Variants in CEP72 observed in about 807,000 individuals in gnomAD.
CEP72 encodes centrosomal protein of 72 kDa.
A neutral mutation model predicts 65.7 loss-of-function variants in CEP72; 78 were observed. The observed-to-expected ratio is 1.19, with a 90% CI of 0.99 to 1.43. The LOEUF (loss-of-function observed/expected upper bound fraction) is 1.43. Among genes scored for constraint, CEP72 ranks in the 40% most tolerant of loss-of-function variants. The probability of loss-of-function intolerance (pLI) is 0.00; values close to 1 mark genes in which losing one functional copy is unlikely to be tolerated. For synonymous variants in CEP72, 358 were observed against 351.7 expected, an observed-to-expected ratio of 1.02 and a Z score of -0.20; for missense variants, 914 against 832.9, an observed-to-expected ratio of 1.10 and a Z score of -1.20.
In CEP72 at chr5:649,295, CTG is replaced by C. The variant is rs1371326172; in HGVS notation, c.1778+1382_1778+1383del. On this transcript the variant is annotated intron_variant, in intron 11 of 11. Transcript: ENST00000264935. The stretch of plus-strand genomic sequence containing the variant: ...GTGAGGTGTGACTGTGAGGCATGGA[CTG>C]TGAGGCGTGACTGAGGCGTGACTGT... 2.0e-5 allele frequency among the ~76,000 whole-genome samples: 2 copies of C among 101,152 alleles called. 1 individual carries two copies. Among genetic ancestry groups the C allele is most frequent in the Non-Finnish European group, 3.6e-5 (2 of 54,998 alleles). The allele number at this position is 101,152 out of a possible 152,430, so 66.4% of individuals were successfully genotyped here.
chr5:654,034 T>TGCTGTGTGTGTGTGCTA (rs1739277553), downstream of CEP72, among the ~76,000 whole-genome samples: 3 of 131,122 alleles, frequency 2.3e-5, no homozygotes, highest in Admixed American at 7.7e-5. Flanking sequence ...AGTGTGCGCT[T>TGCTGTGTGTGTGTGCTA]GCTGTGTGTG....
chr5:655,716 T>C (rs1739360617), downstream of CEP72: 1 of 152,244 alleles, frequency 6.6e-6, no homozygotes, highest in African/African-American at 2.4e-5. This position sits in a 1 kb window ranked among gnomAD's most constrained non-coding sequence, Gnocchi z 5.0. Context: ...CCTTCTCATG[T>C]GTCTGCGGCT....
intron 9 of CEP72, chr5:643,354 C>T (rs931150288): frequency 8.1e-6 from 8 of 985,298 alleles, no homozygotes; most frequent in African/African-American, 1.7e-5. Flanking sequence ...TGCTGGTTGG[C>T]GCCACTGCAG....
At chr5:659,928 CAGG>C (rs1739510399), downstream of CEP72, 1 of 152,400 alleles carries the variant, frequency 6.6e-6, no homozygotes, top group Non-Finnish European at 1.5e-5. Flanking sequence ...ACAGCAGACA[CAGG>C]AGCAGTGTGC....
chr5:636,861 C>T (rs1401980911), intron 6 of CEP72, among the ~76,000 whole-genome samples: 5 of 151,706 alleles, frequency 3.3e-5, no homozygotes, highest in Non-Finnish European at 5.9e-5. Flanking sequence ...GTGACCCTGG[C>T]GCCTCCTGGA....
intron 11 of CEP72, among the ~76,000 whole-genome samples, chr5:648,372 C>T (rs1394251324): frequency 8.2e-6 from 1 of 122,510 alleles, no homozygotes; most frequent in Non-Finnish European, 1.6e-5. Flanking sequence ...TGAGGTGTGA[C>T]CACGAGGCAT....
At chr5:612,553 G>T in intron 1 of CEP72, 110 bp downstream of exon 1, 1 of 1,248,348 alleles carries the variant, frequency 8.0e-7, no homozygotes, top group South Asian at 2.9e-5. Context: ...CTACGCAGGC[G>T]CCGCGGGCGT....
intron 4 of CEP72, among the ~76,000 whole-genome samples, chr5:632,841 G>A (rs1256335999): frequency 2.6e-5 from 2 of 76,036 alleles, no homozygotes; most frequent in African/African-American, 1.3e-4. Flanking sequence ...TCTGTCCAGC[G>A]CCGGGATTTG....
intron 4 of CEP72, among the ~76,000 whole-genome samples, chr5:628,353 C>T (rs1736890289): frequency 6.6e-6 from 1 of 151,550 alleles, no homozygotes; most frequent in South Asian, 2.1e-4. Context: ...TGTCAGGCTT[C>T]AGGGAGGTCC....
Position 653,311 on chromosome 5 carries a change from G to A in CEP72, c.*158G>A. 1.6e-6 allele frequency: 1 copy of A among 635,746 alleles called. No individual in the cohort carries two copies. Among genetic ancestry groups the A allele is most frequent in the Non-Finnish European group, 2.5e-6 (1 of 402,054 alleles). 39.4% of individuals were successfully genotyped at this position (635,746 alleles called of 1,614,324 possible). A position where few individuals can be genotyped will look rare whatever the true frequency, so the allele number is the denominator to read the frequency against. On this transcript the variant is annotated 3_prime_UTR_variant, in exon 12 of 12. Transcript: ENST00000264935. Reference sequence around the variant, plus strand: ...GAATGTATTCAGGACCTGTAGCTTGGTTTTCTAAAGCACCTCGTAAAATGA... The same window carrying A: ...GAATGTATTCAGGACCTGTAGCTTGATTTTCTAAAGCACCTCGTAAAATGA...
intron 8 of CEP72, among the ~76,000 whole-genome samples, chr5:640,201 T>C (rs1357725168): frequency 2.6e-5 from 4 of 152,122 alleles, no homozygotes; most frequent in African/African-American, 9.7e-5. Context: ...GGAGGTCACC[T>C]CTTCTCTTTC....
rs1006772573 is a variant in CEP72 at position 624,645 on chromosome 5, C to T, written c.512+66C>T. On this transcript the variant is annotated intron_variant, in intron 4 of 11. Transcript: ENST00000264935. The surrounding 1 kb of genome is among the most constrained non-coding windows in gnomAD (Gnocchi z 4.7). ...CTGGCCTGCTGTCAGGAGGATTAAC[C>T]GAACGTCATTCACTGTGTGCCGGTC... 34 of 1,132,766 alleles carry T rather than the reference C, an allele frequency of 3.0e-5. No homozygotes were observed. The highest frequency in any genetic ancestry group is 2.9e-4 in the African/African-American group (19 of 65,520). 70.2% of individuals were successfully genotyped at this position (1,132,766 alleles called of 1,614,324 possible).
At chr5:674,857 G>C in the CEP72 span, among the ~76,000 whole-genome samples, 1 of 151,638 alleles carries the variant, frequency 6.6e-6, no homozygotes, top group Non-Finnish European at 1.5e-5. Context: ...GAGCTCCAGC[G>C]AGCCTGTGGG....
At chr5:639,651 T>A (rs1737867696) in intron 8 of CEP72, among the ~76,000 whole-genome samples, 1 of 152,124 alleles carries the variant, frequency 6.6e-6, no homozygotes, top group African/African-American at 2.4e-5. Context: ...AGGAGGGTGG[T>A]CCCTCCCCAG....
downstream of CEP72, chr5:661,459 C>T (rs1372171448): frequency 2.6e-5 from 4 of 152,360 alleles, no homozygotes; most frequent in Admixed American, 6.5e-5. Flanking sequence ...CTGGTGTCAC[C>T]CCTGACAGAA....
chr5:648,548 T>G (rs1484756258), intron 11 of CEP72, among the ~76,000 whole-genome samples: 2 of 118,668 alleles, frequency 1.7e-5, no homozygotes, highest in African/African-American at 3.6e-5. Flanking sequence ...GACTGTGAGG[T>G]GTGACTGTGA....
chr5:616,978 G>A (rs555159282), intron 1 of CEP72, among the ~76,000 whole-genome samples: 52 of 151,904 alleles, frequency 3.4e-4, no homozygotes, highest in Non-Finnish European at 5.4e-4. Flanking sequence ...GCTTGCAGGA[G>A]GGCTGATGAT....
Position 645,476 on chromosome 5 carries a change from A to C in CEP72, c.1666+1051A>C, listed in dbSNP as rs1419591410. 6.7e-5 allele frequency among the ~76,000 whole-genome samples: 10 copies of C among 149,624 alleles called. No individual in the cohort carries two copies. In the Admixed American group the frequency reaches 6.7e-4, roughly 10 times the overall value. ...AAGGTGATGAGAAAAAAAAAAAAAAACAGTTCCCTGCCCGGGAGAACTGTG... is the reference window on the plus strand; with the variant it reads ...AAGGTGATGAGAAAAAAAAAAAAAACCAGTTCCCTGCCCGGGAGAACTGTG... On this transcript the variant is annotated intron_variant, in intron 10 of 11. Transcript: ENST00000264935. This position sits in a 1 kb window ranked among gnomAD's most constrained non-coding sequence, Gnocchi z 4.0.
In CEP72 at chr5:664,916, G is replaced by A. The variant is rs569632212; in HGVS notation, n.288-264G>A. The A allele has an allele frequency of 1.3e-4, 83 of 636,746 alleles. 1 individual carries two copies. The East Asian group carries it at 2.2e-3, about 17-fold the overall frequency. The allele number at this position is 636,746 out of a possible 1,614,324, so 39.4% of individuals were successfully genotyped here. On this transcript the variant is annotated intron_variant and non_coding_transcript_variant, in intron 2 of 4. Transcript: ENST00000514507. ...ACTGGGGCCCAAACCTGGTTTGAGA[G>A]GGGAGTGCTGGGGGCATCCGGTAGG...
Sources: allele counts gnomAD v4.1 joint callset (sites outside exome capture counted in the v4.1 genomes callset), GRCh38; gene constraint gnomAD v4.1.1; non-coding constraint Gnocchi (gnomAD v3.1); transcripts MANE v1.5; gene names NCBI Gene and HGNC (gene_info 2026-07-23, HGNC 2026-07-21).